Variants in PARD3 observed in about 807,000 individuals in gnomAD.
PARD3 encodes par-3 family cell polarity regulator.
A neutral mutation model predicts 155.4 loss-of-function variants in PARD3; 75 were observed. That is an observed-to-expected ratio of 0.48 (90% CI 0.40 to 0.58). The LOEUF (loss-of-function observed/expected upper bound fraction) is 0.58. Ranked by LOEUF, PARD3 falls within the 20% of genes least tolerant of loss-of-function variation. The pLI, the probability that PARD3 is intolerant of heterozygous loss-of-function variation, is 0.00. For synonymous variants in PARD3, 576 were observed against 610.5 expected (o/e 0.94, Z 0.83); for missense variants, 1,642 against 1,721.7 (o/e 0.95, Z 0.82).
intron 23 of PARD3, among the ~76,000 whole-genome samples, chr10:34,127,620 A>G (rs887329794): frequency 5.3e-5 from 8 of 152,226 alleles, no homozygotes; most frequent in Non-Finnish European, 7.3e-5. Context: ...GTAAATGTCA[A>G]GATGCTGGTT....
At chr10:34,443,760 AT>A (rs1435189766) in intron 5 of PARD3, among the ~76,000 whole-genome samples, 2 of 152,208 alleles carry the variant, frequency 1.3e-5, no homozygotes, top group African/African-American at 4.8e-5. Flanking sequence ...AACATGTATC[AT>A]GTGAATATTG....
intron 23 of PARD3, among the ~76,000 whole-genome samples, chr10:34,124,987 G>A (rs1947198675): frequency 6.6e-6 from 1 of 152,120 alleles, no homozygotes; most frequent in East Asian, 1.9e-4. Flanking sequence ...AGAATAAAGT[G>A]CTGACTTTGC....
At chr10:34,205,538 C>T (rs1236756615) in intron 22 of PARD3, among the ~76,000 whole-genome samples, 2 of 152,058 alleles carry the variant, frequency 1.3e-5, no homozygotes, top group African/African-American at 2.4e-5. Flanking sequence ...TGTATGAGTG[C>T]GGTAAGGTGT....
At chr10:34,289,707 A>G (rs542075589) in intron 20 of PARD3, among the ~76,000 whole-genome samples, 11 of 152,292 alleles carry the variant, frequency 7.2e-5, no homozygotes, top group African/African-American at 2.4e-4. Flanking sequence ...TGATTCTAAC[A>G]TGTCTTAAAT....
At chr10:34,725,919 T>G (rs1214285542) in intron 1 of PARD3, among the ~76,000 whole-genome samples, 2 of 152,220 alleles carry the variant, frequency 1.3e-5, no homozygotes, top group East Asian at 1.9e-4. Flanking sequence ...TGTTGTTGTT[T>G]TTTTAATCCC....
At chr10:34,540,925 T>C (rs936571945) in intron 2 of PARD3, among the ~76,000 whole-genome samples, 1 of 152,208 alleles carries the variant, frequency 6.6e-6, no homozygotes, top group Non-Finnish European at 1.5e-5. Flanking sequence ...TTTAGAACAA[T>C]GACCCATTTC....
At chr10:34,651,843 T>C (rs2093023212) in intron 2 of PARD3, among the ~76,000 whole-genome samples, 1 of 152,232 alleles carries the variant, frequency 6.6e-6, no homozygotes, top group Non-Finnish European at 1.5e-5. Context: ...AAGCTGTAAG[T>C]GAAATTCCCT....
chr10:34,771,615 G>A (rs769393408), intron 1 of PARD3, among the ~76,000 whole-genome samples: 1 of 152,236 alleles, frequency 6.6e-6, no homozygotes, highest in Non-Finnish European at 1.5e-5. Context: ...TTACTTGCTG[G>A]CTTTTCTTTG....
At chr10:34,130,748 G>A (rs935932168) in intron 23 of PARD3, among the ~76,000 whole-genome samples, 2 of 152,256 alleles carry the variant, frequency 1.3e-5, no homozygotes, top group Admixed American at 6.5e-5. Flanking sequence ...CACATGGGGG[G>A]TGCAAAAGAT....
intron 1 of PARD3, among the ~76,000 whole-genome samples, chr10:34,794,633 C>T (rs1194297404): frequency 1.3e-5 from 2 of 152,200 alleles, no homozygotes; most frequent in African/African-American, 4.8e-5. Flanking sequence ...GGAACCACCA[C>T]TTTGAACCTC....
chr10:34,117,584 G>C (rs150310323), intron 24 of PARD3, among the ~76,000 whole-genome samples: 1 of 152,290 alleles, frequency 6.6e-6, no homozygotes, highest in East Asian at 1.9e-4. Flanking sequence ...CTGAGGGCAG[G>C]AGAGCACTGA....
chr10:34,342,655 G>T (rs1836957189), intron 15 of PARD3, among the ~76,000 whole-genome samples: 6 of 152,158 alleles, frequency 3.9e-5, no homozygotes, highest in Non-Finnish European at 1.5e-5. Context: ...CATGACTGAG[G>T]ATGTTGGGAT....
chr10:34,592,581 GC>G (rs1324855460), intron 2 of PARD3, among the ~76,000 whole-genome samples: 1 of 152,126 alleles, frequency 6.6e-6, no homozygotes, highest in East Asian at 1.9e-4. Context: ...TTTGAGATCA[GC>G]CTGGCCAACA....
chr10:34,448,163 G>GTGTGTGTA (rs373479806), intron 5 of PARD3, among the ~76,000 whole-genome samples: 116 of 149,752 alleles, frequency 7.7e-4, no homozygotes, highest in African/African-American at 2.6e-3. Flanking sequence ...GTGTGTGTGT[G>GTGTGTGTA]TACACATAAA....
chr10:34,119,482 T>C, intron 24 of PARD3, 131 bp downstream of exon 24: 1 of 883,984 alleles, frequency 1.1e-6, no homozygotes. Context: ...ACGGGACATT[T>C]ATTGGTTCCT....
At chr10:34,137,493 G>T (rs937584107) in intron 22 of PARD3, among the ~76,000 whole-genome samples, 4 of 152,228 alleles carry the variant, frequency 2.6e-5, no homozygotes, top group African/African-American at 9.6e-5. Context: ...CAGGCCCACA[G>T]ACACGGTGAT....
intron 22 of PARD3, among the ~76,000 whole-genome samples, chr10:34,186,750 C>T (rs920015439): frequency 2.0e-5 from 3 of 152,076 alleles, no homozygotes; most frequent in Non-Finnish European, 4.4e-5. Flanking sequence ...AGGACTCAGC[C>T]GTCTGTCTCT....
intron 2 of PARD3, among the ~76,000 whole-genome samples, chr10:34,632,916 G>A (rs554567055): frequency 2.3e-4 from 35 of 152,308 alleles, no homozygotes; most frequent in Middle Eastern, 3.4e-3. Flanking sequence ...CAGGTGGCTC[G>A]GGGAGGAACC....
intron 3 of PARD3, among the ~76,000 whole-genome samples, chr10:34,511,601 A>G (rs2081402750): frequency 6.6e-6 from 1 of 152,160 alleles, no homozygotes; most frequent in South Asian, 2.1e-4. Flanking sequence ...ATACTAAGCT[A>G]TTTTTATGCT....
Sources: allele counts gnomAD v4.1 joint callset (sites outside exome capture counted in the v4.1 genomes callset), GRCh38; gene constraint gnomAD v4.1.1; transcripts MANE v1.5; gene names NCBI Gene and HGNC (gene_info 2026-07-23, HGNC 2026-07-21).